TRIM66: variants seen among roughly 807,000 people sequenced by gnomAD.
The protein encoded by TRIM66 is tripartite motif-containing protein 66.
A neutral mutation model predicts 148.2 loss-of-function variants in TRIM66; 99 were observed. The ratio of observed to expected loss-of-function variants is 0.67; its 90% CI spans 0.57 to 0.79. The LOEUF (loss-of-function observed/expected upper bound fraction) is 0.79, where lower values mean the gene tolerates loss of function less well. Ranked by LOEUF, TRIM66 falls within the 30% of genes least tolerant of loss-of-function variation. TRIM66 has a pLI of 0.00. For synonymous variants in TRIM66, 616 were observed against 635.9 expected (o/e 0.97, Z 0.47); for missense variants, 1,666 against 1,697.9 (o/e 0.98, Z 0.33).
intron 12 of TRIM66, among the ~76,000 whole-genome samples, chr11:8,644,871 C>T (rs1280819144): frequency 6.6e-6 from 1 of 152,120 alleles, no homozygotes; most frequent in Non-Finnish European, 1.5e-5. Context: ...AGAGGCTGCT[C>T]GTCACTATTC....
chr11:8,678,534 TA>T (rs1200820558), intron 3 of TRIM66, among the ~76,000 whole-genome samples: 1 of 152,246 alleles, frequency 6.6e-6, no homozygotes, highest in African/African-American at 2.4e-5. Flanking sequence ...CTTATACTTA[TA>T]TTTTTTTCAG....
At chr11:8,675,309 G>A (rs889581340) in intron 3 of TRIM66, among the ~76,000 whole-genome samples, 4 of 152,162 alleles carry the variant, frequency 2.6e-5, no homozygotes, top group Admixed American at 2.0e-4. Flanking sequence ...TTTATCATTG[G>A]CAACAAATAC....
At chr11:8,637,063 A>T (rs1467383590) in intron 15 of TRIM66, among the ~76,000 whole-genome samples, 1 of 152,106 alleles carries the variant, frequency 6.6e-6, no homozygotes, top group African/African-American at 2.4e-5. Flanking sequence ...TCCTTTTCAA[A>T]ATTTCAGCTT....
At chr11:8,646,768 T>G (rs1022799046) in intron 10 of TRIM66, among the ~76,000 whole-genome samples, 1 of 152,102 alleles carries the variant, frequency 6.6e-6, no homozygotes, top group Non-Finnish European at 1.5e-5. Context: ...TGGTTTTCTC[T>G]AGGTAAACCT....
chr11:8,648,117 A>G (rs976326173), intron 9 of TRIM66, 31 bp from the exon 10 acceptor site: 297 of 1,523,500 alleles, frequency 1.9e-4, no homozygotes, highest in Non-Finnish European at 2.4e-4. Context: ...AAAGCTGAGA[A>G]GGGCTGAGTC....
In TRIM66 at chr11:8,638,806, C is replaced by T; in HGVS notation, c.2158G>A (p.Glu720Lys). Residue 720 changes from glutamate (E) to lysine (K), a missense_variant, in exon 15 of 25, where the codon GAG (glutamate) becomes AAG (lysine). Transcript: ENST00000646038. ...TTTGAGCCCTGAGATGCTGGGGGCT[C>T]ATCTGTAGCCTGGAGAAGAAAATAA... is the stretch of plus-strand genomic sequence containing the variant. ...SQEETLQATD[E>K]PPASQGSKPA... 5 of 1,550,966 alleles carry T rather than the reference C, an allele frequency of 3.2e-6. No homozygotes were observed. The highest frequency in any genetic ancestry group is 4.4e-6 in the Non-Finnish European group (5 of 1,146,780).
In TRIM66 at chr11:8,612,473, CTG is replaced by C. The variant is rs1457272427; in HGVS notation, c.*5469_*5470del. ...CACCACAACTTTATAGATGAGGAAACTGTATCCAAGGTTACACAGCTCATAAT... is the reference window on the plus strand; with the variant it reads ...CACCACAACTTTATAGATGAGGAAACTATCCAAGGTTACACAGCTCATAAT... On this transcript the variant is annotated 3_prime_UTR_variant, in exon 25 of 25. Transcript: ENST00000646038. 1 of 152,258 alleles carries C rather than the reference CTG, an allele frequency of 6.6e-6. No individual in the cohort carries two copies. The highest frequency in any genetic ancestry group is 2.4e-5 in the African/African-American group (1 of 41,468). 9.4% of individuals were successfully genotyped at this position (152,258 alleles called of 1,614,324 possible). A position where few individuals can be genotyped will look rare whatever the true frequency, so the allele number is the denominator to read the frequency against.
rs530423960 is a variant in TRIM66 at position 8,620,562 on chromosome 11, C to A, written c.3556G>T (p.Val1186Leu). 4.5e-6 allele frequency: 7 copies of A among 1,551,740 alleles called. No individual in the cohort carries two copies. The South Asian group carries it at 5.9e-5, about 13-fold the overall frequency. Residue 1186 changes from valine (V) to leucine (L), a missense_variant, in exon 21 of 25, where the codon GTG becomes TTG. Coordinates refer to ENST00000646038, the MANE Select transcript of TRIM66 (RefSeq NM_001388022.1). ...GTCAGGCTGCGGCACAAGGTACACA[C>A]CCACTCTCCCCTGCAGGGGCAGGTG... is the stretch of plus-strand genomic sequence containing the variant. Reference protein sequence around the residue: ...ALLSFPGGEWVCTLCRSLTQP... With the variant: ...ALLSFPGGEWLCTLCRSLTQP...
At chr11:8,663,308 C>A (rs1478360358) in intron 6 of TRIM66, 2 of 152,070 alleles carry the variant, frequency 1.3e-5, no homozygotes, top group Admixed American at 1.3e-4. Flanking sequence ...ATACAATAGT[C>A]CCCCCCTTAT....
chr11:8,647,962 TG>T lies in TRIM66; in HGVS notation c.842+7del. On this transcript the variant is annotated splice_region_variant and intron_variant, in intron 10 of 24. Transcript: ENST00000646038. Reference sequence around the variant, plus strand: ...TTCCAGCACTGGCAAGGCACTAGCCTGTGCTACCTGTCCTCAATTTGCTTTG... The same window carrying T: ...TTCCAGCACTGGCAAGGCACTAGCCTTGCTACCTGTCCTCAATTTGCTTTG... 6.5e-7 allele frequency: 1 copy of T among 1,546,082 alleles called. No homozygotes were observed. The highest frequency in any genetic ancestry group is 2.4e-5 in the East Asian group (1 of 40,898).
chr11:8,665,134 T>C (rs1340304188), intron 6 of TRIM66, among the ~76,000 whole-genome samples: 1 of 151,658 alleles, frequency 6.6e-6, no homozygotes, highest in Non-Finnish European at 1.5e-5. Context: ...AAAAAACAGA[T>C]TTCTGCCCAG....
At chr11:8,661,992 G>A (rs1026385238) in intron 6 of TRIM66, among the ~76,000 whole-genome samples, 1 of 152,168 alleles carries the variant, frequency 6.6e-6, no homozygotes. Flanking sequence ...TGCTCTCCCA[G>A]TAATGGGTCC....
chr11:8,672,639 G>A, intron 4 of TRIM66, among the ~76,000 whole-genome samples: 1 of 71,466 alleles, frequency 1.4e-5, no homozygotes, highest in Admixed American at 1.5e-4. Context: ...TTTTTTTTTT[G>A]AGACAGGATC....
rs1359808634 is a variant in TRIM66 at position 8,617,413 on chromosome 11, T to C, written c.*531A>G. The C allele has an allele frequency of 6.5e-6, 1 of 153,486 alleles. No individual in the cohort carries two copies. Among genetic ancestry groups the C allele is most frequent in the East Asian group, 1.9e-4 (1 of 5,224 alleles). 9.5% of individuals were successfully genotyped at this position (153,486 alleles called of 1,614,324 possible). ...TATGGCCTCTAGAAGCCTCCACTAG[T>C]CTGCACATGGCAGGTGCCTCTATCC... is the stretch of plus-strand genomic sequence containing the variant. On this transcript the variant is annotated 3_prime_UTR_variant, in exon 25 of 25. Coordinates refer to ENST00000646038, the MANE Select transcript of TRIM66 (RefSeq NM_001388022.1).
rs570891784 is a variant in TRIM66, at chr11:8,633,237, G to A, written c.2310+5417C>T. 7.9e-5 allele frequency among the ~76,000 whole-genome samples: 12 copies of A among 152,188 alleles called. No individual in the cohort carries two copies. The South Asian group carries it at 2.3e-3, about 29-fold the overall frequency. The stretch of plus-strand genomic sequence containing the variant: ...CTCAGGAGGCTGAGACAGGAGAATC[G>A]CTTGAATCTGGGAGGCAGAGGTTGC... On this transcript the variant is annotated intron_variant, in intron 15 of 24. Coordinates refer to ENST00000646038, the MANE Select transcript of TRIM66 (RefSeq NM_001388022.1).
At chr11:8,640,038 A>G (rs2036226701) in intron 14 of TRIM66, among the ~76,000 whole-genome samples, 189 bp downstream of exon 14, 1 of 152,294 alleles carries the variant, frequency 6.6e-6, no homozygotes, top group African/African-American at 2.4e-5. Context: ...ACTGGGTACT[A>G]TGCTCTCTGG....
chr11:8,640,963 G>A lies in TRIM66; in HGVS notation c.1412C>T (p.Ser471Phe), dbSNP rs1191154646. 2.6e-6 allele frequency: 4 copies of A among 1,551,308 alleles called. No homozygotes were observed. Among genetic ancestry groups the A allele is most frequent in the Non-Finnish European group, 3.5e-6 (4 of 1,146,966 alleles). Residue 471 changes from serine to phenylalanine, a missense_variant, in exon 14 of 25, where the codon TCC (serine) becomes TTC (phenylalanine). By Grantham distance (155) the Ser-to-Phe change is radical. Transcript: ENST00000646038. Reference protein sequence around the residue: ...CSSSVCCSHCSPVSPSLKGQV... With the variant: ...CSSSVCCSHCFPVSPSLKGQV... ...GCCTTTGAGGGAAGGCGAGACTGGG[G>A]AGCAGTGGGAGCAGCACACAGATGA...
intron 15 of TRIM66, 52 bp from the exon 16 acceptor site, chr11:8,625,280 G>A (rs2034714192): frequency 1.4e-6 from 2 of 1,447,048 alleles, no homozygotes; most frequent in Non-Finnish European, 9.1e-7. Context: ...GGGAATGGAG[G>A]GAGGGAGAGG....
chr11:8,652,417 G>C (rs998804537), intron 6 of TRIM66, among the ~76,000 whole-genome samples: 6 of 152,124 alleles, frequency 3.9e-5, no homozygotes, highest in African/African-American at 1.4e-4. Flanking sequence ...CGCTCATCTA[G>C]GAGGTATTTT....
Sources: allele counts gnomAD v4.1 joint callset (sites outside exome capture counted in the v4.1 genomes callset), GRCh38; gene constraint gnomAD v4.1.1; transcripts MANE v1.5; gene names NCBI Gene and HGNC (gene_info 2026-07-23, HGNC 2026-07-21).